The following LEPR variants were observed in gnomAD, a reference collection of about 807,000 sequenced individuals.
The protein encoded by LEPR is leptin receptor, also known as OB receptor.
A neutral mutation model predicts 114.7 loss-of-function variants in LEPR; 56 were observed. The observed-to-expected ratio is 0.49, with a 90% CI of 0.39 to 0.61. The LOEUF is 0.61. Ranked by LOEUF, LEPR falls within the 20% of genes least tolerant of loss-of-function variation. The pLI is 0.00. For missense variants in LEPR, 1,202 were observed against 1,352.9 expected, an observed-to-expected ratio of 0.89 and a Z score of 1.75; for synonymous variants, 443 against 461.4, an observed-to-expected ratio of 0.96 and a Z score of 0.51.
At chr1:65,534,850 C>T (rs1186403) in intron 2 of LEPR, among the ~76,000 whole-genome samples, 105,188 of 152,078 alleles carry the variant, frequency 0.69, 37,323 homozygotes, top group Middle Eastern at 0.87. Flanking sequence ...GCTTTAAAAA[C>T]GTGAAAAACT....
chr1:65,536,836 C>A (rs978461268), intron 2 of LEPR, among the ~76,000 whole-genome samples: 4 of 152,096 alleles, frequency 2.6e-5, no homozygotes, highest in Non-Finnish European at 5.9e-5. Context: ...TTCTTCCAAG[C>A]TGGTTCATTT....
At chr1:65,585,542 T>C (rs1655257957) in intron 5 of LEPR, among the ~76,000 whole-genome samples, 1 of 151,886 alleles carries the variant, frequency 6.6e-6, no homozygotes, top group African/African-American at 2.4e-5. Context: ...AAGGCAAAAA[T>C]GGTAAAGAGA....
At chr1:65,453,805 G>A (rs1336645619) in intron 2 of LEPR, among the ~76,000 whole-genome samples, 1 of 152,052 alleles carries the variant, frequency 6.6e-6, no homozygotes, top group Non-Finnish European at 1.5e-5. Context: ...GGTCCGCTTG[G>A]TGCAGAGCTG....
At chr1:65,523,711 CA>C (rs1354316915) in intron 2 of LEPR, among the ~76,000 whole-genome samples, 1 of 152,162 alleles carries the variant, frequency 6.6e-6, no homozygotes, top group Non-Finnish European at 1.5e-5. Context: ...CCACAGTAGG[CA>C]ATGATTTTGA....
In LEPR at chr1:65,618,146, G is replaced by T; in HGVS notation, c.2395G>T (p.Asp799Tyr). 1 of 1,601,206 alleles carries T rather than the reference G, an allele frequency of 6.2e-7. No individual in the cohort carries two copies. The highest frequency in any genetic ancestry group is 2.2e-4 in the Middle Eastern group (1 of 4,614). Residue 799 changes from aspartate (D) to tyrosine (Y), a missense_variant and splice_region_variant, in exon 16 of 20, where the codon GAT (aspartate) becomes TAT (tyrosine). Asp to Tyr is a radical substitution (Grantham distance 160, BLOSUM62 -3). Transcript: ENST00000349533. ...ATCTGTTAAGAAGTATTATATCCAT[G>T]GTAAGTTTACTATACTTTAGTAAGT... ...SSSVKKYYIH[D>Y]HFIPIEKYQF...
intron 14 of LEPR, among the ~76,000 whole-genome samples, chr1:65,611,138 C>A (rs576929632): frequency 1.3e-5 from 2 of 152,126 alleles, no homozygotes; most frequent in East Asian, 3.9e-4. Flanking sequence ...TATTTCATTT[C>A]TTTTATCATT....
intron 14 of LEPR, among the ~76,000 whole-genome samples, chr1:65,615,401 T>A (rs1463619754): frequency 6.6e-6 from 1 of 152,200 alleles, no homozygotes; most frequent in Non-Finnish European, 1.5e-5. Flanking sequence ...CTGATATTAT[T>A]ATTTTTAATT....
At chr1:65,428,143 A>T (rs1194743570) in intron 2 of LEPR, 1 of 152,278 alleles carries the variant, frequency 6.6e-6, no homozygotes, top group Non-Finnish European at 1.5e-5. Context: ...GGCCCTTTAT[A>T]GAAAAAGTTG....
intron 3 of LEPR, among the ~76,000 whole-genome samples, chr1:65,568,288 A>G (rs1653913143): frequency 6.6e-6 from 1 of 151,730 alleles, no homozygotes; most frequent in African/African-American, 2.4e-5. Context: ...GGTTACAAGT[A>G]TGGTTTTGTT....
intron 2 of LEPR, among the ~76,000 whole-genome samples, chr1:65,451,937 A>C (rs1350767682): frequency 1.3e-5 from 2 of 151,080 alleles, no homozygotes; most frequent in African/African-American, 4.9e-5. Context: ...ATTTGTTTGT[A>C]TCCTCTTTTA....
At chr1:65,624,800 C>G (rs1318221648) in intron 19 of LEPR, among the ~76,000 whole-genome samples, 1 of 152,078 alleles carries the variant, frequency 6.6e-6, no homozygotes, top group Non-Finnish European at 1.5e-5. Context: ...AATAAGTAAA[C>G]AACTAATATT....
At chr1:65,509,079 T>A (rs910201658) in intron 2 of LEPR, among the ~76,000 whole-genome samples, 1 of 152,110 alleles carries the variant, frequency 6.6e-6, no homozygotes. Context: ...GTTTTATTAA[T>A]TTTTTTGGTT....
chr1:65,641,176 G>A lies in LEPR; in HGVS notation c.*4161G>A, dbSNP rs2101051546. The A allele has an allele frequency of 6.6e-6, 1 of 152,230 alleles. No individual in the cohort carries two copies. Among genetic ancestry groups the A allele is most frequent in the Non-Finnish European group, 1.5e-5 (1 of 68,000 alleles). 9.4% of individuals were successfully genotyped at this position (152,230 alleles called of 1,614,324 possible). A position where few individuals can be genotyped will look rare whatever the true frequency, so the allele number is the denominator to read the frequency against. ...AAATGTCTTTTTCAAAATTAATTATGCTTAAGATGTATGGCATTAAATTCA... is the reference window on the plus strand; with the variant it reads ...AAATGTCTTTTTCAAAATTAATTATACTTAAGATGTATGGCATTAAATTCA... On this transcript the variant is annotated 3_prime_UTR_variant, in exon 20 of 20. Transcript: ENST00000349533.
intron 2 of LEPR, among the ~76,000 whole-genome samples, chr1:65,473,210 AT>A (rs1647111476): frequency 6.6e-6 from 1 of 152,206 alleles, no homozygotes; most frequent in Non-Finnish European, 1.5e-5. Context: ...CATCCTGCAC[AT>A]TTTACAGGTG....
chr1:65,526,362 C>T, intron 2 of LEPR: 1 of 985,394 alleles, frequency 1.0e-6, no homozygotes, highest in Non-Finnish European at 1.2e-6. Flanking sequence ...AAACCCAATC[C>T]TAACCAAACC....
At chr1:65,559,992 C>T (rs1293930058) in intron 2 of LEPR, among the ~76,000 whole-genome samples, 2 of 146,740 alleles carry the variant, frequency 1.4e-5, no homozygotes, top group African/African-American at 2.5e-5. Flanking sequence ...TGTAATGCCT[C>T]CAGCTTTGTT....
At chr1:65,626,027 G>A (rs1181705058) in intron 19 of LEPR, 1 of 1,069,532 alleles carries the variant, frequency 9.3e-7, no homozygotes, top group Non-Finnish European at 1.4e-6. Context: ...CCACCATGAA[G>A]TGGTTTCTCA....
chr1:65,483,879 GT>G (rs1032817856), intron 2 of LEPR, among the ~76,000 whole-genome samples: 40 of 147,204 alleles, frequency 2.7e-4, no homozygotes, highest in African/African-American at 9.0e-4. Context: ...CTTCTTCCTT[GT>G]TTTTTTTTCT....
At chr1:65,611,261 C>G (rs1657146631) in intron 14 of LEPR, among the ~76,000 whole-genome samples, 2 of 152,172 alleles carry the variant, frequency 1.3e-5, no homozygotes, top group South Asian at 4.1e-4. Flanking sequence ...TTAGAACTGA[C>G]AGACATTTAT....
Sources: allele counts gnomAD v4.1 joint callset (sites outside exome capture counted in the v4.1 genomes callset), GRCh38; gene constraint gnomAD v4.1.1; transcripts MANE v1.5; gene names NCBI Gene and HGNC (gene_info 2026-07-23, HGNC 2026-07-21).